Variants in BCL11A observed in about 807,000 individuals in gnomAD.
The protein encoded by BCL11A is B cell CLL/lymphoma 11A.
In BCL11A, 2 loss-of-function variants were observed where a neutral mutation model predicts 55.9. That is an observed-to-expected ratio of 0.04 (90% CI 0.01 to 0.11). The LOEUF (loss-of-function observed/expected upper bound fraction) is 0.11, where lower values mean the gene tolerates loss of function less well. BCL11A is among the 10% of genes least tolerant of loss of function. The probability of loss-of-function intolerance (pLI) is 1.00; values close to 1 mark genes in which losing one functional copy is unlikely to be tolerated. For synonymous variants in BCL11A, 465 were observed against 473.4 expected (o/e 0.98, Z 0.23); for missense variants, 817 against 1,137.1 (o/e 0.72, Z 4.05).
At chr2:60,547,109 T>C (rs1368969358) in intron 1 of BCL11A, among the ~76,000 whole-genome samples, 1 of 152,242 alleles carries the variant, frequency 6.6e-6, no homozygotes, top group Non-Finnish European at 1.5e-5. Flanking sequence ...AGTCATTTTT[T>C]TTTTATTCTG....
intron 3 of BCL11A, among the ~76,000 whole-genome samples, chr2:60,468,004 G>A (rs1340555744): frequency 1.8e-5 from 2 of 111,584 alleles, no homozygotes; most frequent in African/African-American, 3.6e-5. Flanking sequence ...TGGTGGTGGT[G>A]GTGATGGTGG....
chr2:60,511,490 C>T (rs1434107035), intron 2 of BCL11A, among the ~76,000 whole-genome samples: 1 of 152,186 alleles, frequency 6.6e-6, no homozygotes, highest in Non-Finnish European at 1.5e-5. Context: ...CCACTTGTTA[C>T]CATGTTTCAT....
At chr2:60,466,030 A>T (rs1403672678) in intron 3 of BCL11A, among the ~76,000 whole-genome samples, 1 of 152,150 alleles carries the variant, frequency 6.6e-6, no homozygotes, top group African/African-American at 2.4e-5. Context: ...AATGGGCATC[A>T]GGTTTGTTCT....
At chr2:60,542,287 A>G (rs748909201) in intron 2 of BCL11A, 10 of 163,976 alleles carry the variant, frequency 6.1e-5, no homozygotes, top group Non-Finnish European at 7.9e-5. Context: ...AAAGATTCCT[A>G]TGTGCAATAA....
Position 60,468,803 on chromosome 2 carries a change from G to T in BCL11A, c.416C>A (p.Ser139Tyr). ...TAGAGCTCCATGTGCAGAACGAGGG[G>T]AGGAGAGGCCCCTCCAGTGCAGAAG... ...DKLLHWRGLS[S>Y]PRSAHGALIP... Residue 139 changes from serine (S) to tyrosine (Y), a missense_variant, in exon 3 of 4, where the codon TCC (serine) becomes TAC (tyrosine). Coordinates refer to ENST00000642384, the MANE Select transcript of BCL11A (RefSeq NM_022893.4). The T allele has an allele frequency of 1.2e-6, 2 of 1,608,552 alleles. No homozygotes were observed. Among genetic ancestry groups the T allele is most frequent in the Non-Finnish European group, 8.5e-7 (1 of 1,178,704 alleles).
At chr2:60,452,741 TCTAA>T (rs1373129558), downstream of BCL11A, 10 of 1,181,584 alleles carry the variant, frequency 8.5e-6, no homozygotes, top group African/African-American at 1.1e-4. Context: ...TTTTCTGTTC[TCTAA>T]CTAGCTTTTT....
At chr2:60,476,832 A>G (rs1279986364) in intron 2 of BCL11A, among the ~76,000 whole-genome samples, 6 of 152,206 alleles carry the variant, frequency 3.9e-5, no homozygotes, top group Non-Finnish European at 5.9e-5. Context: ...AACCTTTTGA[A>G]AAGTTAACAA....
chr2:60,469,236 AACTTT>A (rs1014270051), intron 2 of BCL11A, among the ~76,000 whole-genome samples: 17 of 152,226 alleles, frequency 1.1e-4, no homozygotes, highest in Non-Finnish European at 2.2e-4. Context: ...TGCATACATT[AACTTT>A]ACTTTATAGA....
intron 2 of BCL11A, among the ~76,000 whole-genome samples, chr2:60,517,235 C>T (rs1189760088): frequency 6.6e-6 from 1 of 152,160 alleles, no homozygotes; most frequent in Non-Finnish European, 1.5e-5. Context: ...GTACACGTTC[C>T]TTCACCACCC....
chr2:60,512,340 C>A (rs185143671), intron 2 of BCL11A, among the ~76,000 whole-genome samples: 221 of 152,306 alleles, frequency 1.5e-3, no homozygotes, highest in African/African-American at 4.7e-3. Context: ...AACTGGGTGG[C>A]CTGGGCAAGT....
chr2:60,452,823 C>A, downstream of BCL11A: 1 of 594,474 alleles, frequency 1.7e-6, no homozygotes, highest in Non-Finnish European at 3.0e-6. Flanking sequence ...CAAACTCAGC[C>A]TCCCCTCCCC....
chr2:60,517,345 C>CCCTAGCAGGAAAGGTGGTAGGAAGA (rs1394801722), intron 2 of BCL11A, among the ~76,000 whole-genome samples: 1 of 152,154 alleles, frequency 6.6e-6, no homozygotes, highest in Non-Finnish European at 1.5e-5. Context: ...ACTTTGGGAG[C>CCCTAGCAGGAAAGGTGGTAGGAAGA]CCTAGCAGGA....
intron 2 of BCL11A, among the ~76,000 whole-genome samples, chr2:60,504,625 A>G (rs1679471761): frequency 6.6e-6 from 1 of 152,172 alleles, no homozygotes; most frequent in African/African-American, 2.4e-5. Flanking sequence ...GTCTCCCCCA[A>G]GCCCTCCTAG....
intron 2 of BCL11A, among the ~76,000 whole-genome samples, chr2:60,523,037 C>A (rs537935771): frequency 1.4e-3 from 213 of 152,356 alleles, no homozygotes; most frequent in Non-Finnish European, 2.4e-3. Context: ...GCCGTTTTCT[C>A]TGTAGACTCT....
In BCL11A at chr2:60,459,964, G is replaced by T. The variant is rs1302180084; in HGVS notation, c.*440C>A. The T allele has an allele frequency of 9.4e-7, 1 of 1,063,594 alleles. No individual in the cohort carries two copies. The highest frequency in any genetic ancestry group is 1.6e-5 in the African/African-American group (1 of 60,814). The allele number at this position is 1,063,594 out of a possible 1,614,324, so 65.9% of individuals were successfully genotyped here. On this transcript the variant is annotated 3_prime_UTR_variant, in exon 4 of 4. Transcript: ENST00000642384. ...TCTCTCTCTCTTTTTCTCTCAGAAC[G>T]GAACTGGAAACAGCAACATGTTTGC...
chr2:60,508,685 C>T (rs1243412786), intron 2 of BCL11A: 1 of 152,224 alleles, frequency 6.6e-6, no homozygotes, highest in Non-Finnish European at 1.5e-5. Context: ...CAGCTTGGCC[C>T]AGGAAGAAGC....
Position 60,458,086 on chromosome 2 carries a change from G to T in BCL11A, c.*2318C>A. On this transcript the variant is annotated 3_prime_UTR_variant, in exon 4 of 4. Transcript: ENST00000642384. ...ACATTGATACCTTTTAAGAGAACAA[G>T]CAACAGTTAAAAATACAAGCTTCAA... 9.7e-7 allele frequency: 1 copy of T among 1,029,800 alleles called. No individual in the cohort carries two copies. 63.8% of individuals were successfully genotyped at this position (1,029,800 alleles called of 1,614,324 possible). A position where few individuals can be genotyped will look rare whatever the true frequency, so the allele number is the denominator to read the frequency against.
chr2:60,493,574 A>G (rs1678774532), intron 2 of BCL11A, among the ~76,000 whole-genome samples: 1 of 152,206 alleles, frequency 6.6e-6, no homozygotes, highest in Non-Finnish European at 1.5e-5. Context: ...ATGGGCATTC[A>G]TTTGAATCAG....
intron 3 of BCL11A, among the ~76,000 whole-genome samples, chr2:60,464,504 C>A (rs1265582524): frequency 6.6e-6 from 1 of 152,156 alleles, no homozygotes; most frequent in Non-Finnish European, 1.5e-5. Flanking sequence ...TTTAGCCTGA[C>A]GATCTGAGTT....
Sources: gnomAD v4.1 joint callset for allele counts (sites outside exome capture counted in the v4.1 genomes callset) on GRCh38, gnomAD v4.1.1 for gene constraint, MANE v1.5 for transcripts, NCBI Gene and HGNC (gene_info 2026-07-23, HGNC 2026-07-21) for gene names.